The following BNC2 variants were observed in gnomAD, a reference collection of about 807,000 sequenced individuals.
BNC2 encodes the protein basonuclin zinc finger protein 2.
A neutral mutation model predicts 76.3 loss-of-function variants in BNC2; 20 were observed. That is an observed-to-expected ratio of 0.26 (90% CI 0.18 to 0.38). The LOEUF (loss-of-function observed/expected upper bound fraction) is 0.38, where lower values mean the gene tolerates loss of function less well. Among genes scored for constraint, BNC2 ranks in the 10% least tolerant of loss-of-function variants. BNC2 has a pLI of 1.00. For synonymous variants in BNC2, 582 were observed against 514.8 expected, an observed-to-expected ratio of 1.13 and a Z score of -1.77; for missense variants, 1,382 against 1,399.8, an observed-to-expected ratio of 0.99 and a Z score of 0.20.
chr9:16,815,811 TAAGG>T (rs1471484128), intron 1 of BNC2, among the ~76,000 whole-genome samples: 1 of 152,212 alleles, frequency 6.6e-6, no homozygotes, highest in African/African-American at 2.4e-5. Flanking sequence ...CAAAAACTGG[TAAGG>T]GGCATTATCT....
At chr9:16,431,382 T>C (rs988599788) in intron 6 of BNC2, 6 of 444,896 alleles carry the variant, frequency 1.3e-5, no homozygotes, top group South Asian at 3.3e-5. Flanking sequence ...TGAGAAATGA[T>C]GAAAGGTAAA....
At chr9:16,637,394 G>A (rs1212422528) in intron 3 of BNC2, among the ~76,000 whole-genome samples, 1 of 152,174 alleles carries the variant, frequency 6.6e-6, no homozygotes, top group African/African-American at 2.4e-5. Context: ...AGCAGTTCAA[G>A]TTGTGATGTT....
chr9:16,722,458 C>T (rs964361887), intron 3 of BNC2, among the ~76,000 whole-genome samples: 1 of 152,106 alleles, frequency 6.6e-6, no homozygotes, highest in African/African-American at 2.4e-5. Flanking sequence ...AATATACACT[C>T]ATAAATATAA....
intron 6 of BNC2, among the ~76,000 whole-genome samples, chr9:16,426,559 T>G (rs1355888413): frequency 6.6e-6 from 1 of 152,186 alleles, no homozygotes; most frequent in Admixed American, 6.5e-5. Context: ...CAATCAATAT[T>G]AGTATTTAGC....
intron 2 of BNC2, among the ~76,000 whole-genome samples, chr9:16,733,884 GA>G (rs1213871853): frequency 2.9e-3 from 409 of 139,570 alleles, no homozygotes; most frequent in Non-Finnish European, 3.7e-3. Context: ...AACTCCATCT[GA>G]AAAAAAAAAA....
chr9:16,825,653 A>C (rs1818436526), intron 1 of BNC2, among the ~76,000 whole-genome samples: 1 of 151,954 alleles, frequency 6.6e-6, no homozygotes, highest in South Asian at 2.1e-4. Flanking sequence ...AACCAAGCAA[A>C]ATCTTTTTCT....
intron 5 of BNC2, among the ~76,000 whole-genome samples, chr9:16,539,968 T>C (rs1361328158): frequency 6.6e-6 from 1 of 151,926 alleles, no homozygotes; most frequent in African/African-American, 2.4e-5. Context: ...TATATCAAAT[T>C]ATATATCTTA....
chr9:16,781,315 A>G (rs1384815154), intron 1 of BNC2, among the ~76,000 whole-genome samples: 2 of 152,080 alleles, frequency 1.3e-5, no homozygotes, highest in East Asian at 1.9e-4. Flanking sequence ...GCAGGGGCAC[A>G]GAAGAAAGGC....
rs751687360 is a variant in BNC2 at position 16,452,420 on chromosome 9, C to A, written c.670-14896G>T. Among the ~76,000 whole-genome samples, 7 of 152,030 alleles carry A rather than the reference C, an allele frequency of 4.6e-5. No individual in the cohort carries two copies. In the East Asian group the frequency reaches 1.4e-3, roughly 29 times the overall value. Reference sequence around the variant, plus strand: ...TAGACACATAAATAATGAACCATTACAATTATTATTATTATTATTTTTTAG... The same window carrying A: ...TAGACACATAAATAATGAACCATTAAAATTATTATTATTATTATTTTTTAG... On this transcript the variant is annotated intron_variant, in intron 5 of 6. Coordinates refer to ENST00000380672, the MANE Select transcript of BNC2 (RefSeq NM_017637.6).
At chr9:16,429,902 G>A (rs759117598) in intron 6 of BNC2, 3 of 506,440 alleles carry the variant, frequency 5.9e-6, no homozygotes, top group Admixed American at 4.0e-5. Context: ...TGGGCCAGCA[G>A]GAGGTCATTA....
chr9:16,676,318 G>A (rs891637031), intron 3 of BNC2, among the ~76,000 whole-genome samples: 3 of 152,178 alleles, frequency 2.0e-5, no homozygotes, highest in African/African-American at 7.2e-5. Context: ...TGACATGTGT[G>A]TATGTACATA....
At chr9:16,519,430 G>T (rs932322670) in intron 5 of BNC2, among the ~76,000 whole-genome samples, 1 of 152,200 alleles carries the variant, frequency 6.6e-6, no homozygotes, top group African/African-American at 2.4e-5. Context: ...AACCTCTTCG[G>T]ATGTAGAGAT....
intron 5 of BNC2, among the ~76,000 whole-genome samples, chr9:16,534,594 C>G (rs1318632198): frequency 1.3e-5 from 2 of 152,034 alleles, no homozygotes; most frequent in African/African-American, 4.8e-5. Flanking sequence ...GCTTTCTCCC[C>G]AAGTATCTCT....
intron 5 of BNC2, among the ~76,000 whole-genome samples, chr9:16,518,057 G>C (rs1482282991): frequency 1.3e-5 from 2 of 152,216 alleles, no homozygotes; most frequent in Non-Finnish European, 2.9e-5. Context: ...AGGGACAATA[G>C]ATGTGTGTAT....
intron 1 of BNC2, among the ~76,000 whole-genome samples, chr9:16,863,353 A>G (rs1285509684): frequency 1.3e-5 from 2 of 152,200 alleles, no homozygotes; most frequent in Non-Finnish European, 2.9e-5. Flanking sequence ...TAAAACAAGG[A>G]TAACTTAGCC....
chr9:16,576,681 G>A (rs529944987), intron 4 of BNC2, among the ~76,000 whole-genome samples: 3 of 152,302 alleles, frequency 2.0e-5, no homozygotes, highest in Admixed American at 1.3e-4. Flanking sequence ...TGAGGAATTT[G>A]TAAATAAAAT....
At chr9:16,678,244 T>C (rs375503409) in intron 3 of BNC2, among the ~76,000 whole-genome samples, 1 of 150,852 alleles carries the variant, frequency 6.6e-6, no homozygotes, top group East Asian at 1.9e-4. Context: ...AGACCATAAC[T>C]TGTAACTGTT....
chr9:16,788,143 C>T (rs755624771), intron 1 of BNC2, among the ~76,000 whole-genome samples: 1 of 152,196 alleles, frequency 6.6e-6, no homozygotes, highest in African/African-American at 2.4e-5. Context: ...AACTCTCTGA[C>T]TTCCAGTTCC....
intron 5 of BNC2, among the ~76,000 whole-genome samples, chr9:16,463,715 A>T (rs1035596021): frequency 6.6e-6 from 1 of 152,124 alleles, no homozygotes; most frequent in African/African-American, 2.4e-5. Context: ...CAATGATAGG[A>T]GATTATTTTC....
Sources: allele counts gnomAD v4.1 joint callset (sites outside exome capture counted in the v4.1 genomes callset), GRCh38; gene constraint gnomAD v4.1.1; transcripts MANE v1.5; gene names NCBI Gene and HGNC (gene_info 2026-07-23, HGNC 2026-07-21).